PCDH15: variants seen among roughly 807,000 people sequenced by gnomAD.
The protein encoded by PCDH15 is protocadherin related 15, also known as protocadherin-15.
In PCDH15, 129 loss-of-function variants were observed where a neutral mutation model predicts 178.5. That is an observed-to-expected ratio of 0.72 (90% CI 0.63 to 0.84). The LOEUF is 0.84. Among genes scored for constraint, PCDH15 ranks in the 40% least tolerant of loss-of-function variants. The pLI is 0.00. For missense variants in PCDH15, 2,230 were observed against 2,099.9 expected, an observed-to-expected ratio of 1.06 and a Z score of -1.21; for synonymous variants, 800 against 732.0, an observed-to-expected ratio of 1.09 and a Z score of -1.50.
intron 34 of PCDH15, among the ~76,000 whole-genome samples, chr10:53,817,460 A>C (rs893919473): frequency 6.6e-6 from 1 of 151,938 alleles, no homozygotes. Flanking sequence ...GAACTGGTAA[A>C]AAGATCAAAA....
intron 2 of PCDH15, among the ~76,000 whole-genome samples, chr10:54,531,391 C>T (rs2083909835): frequency 6.6e-6 from 1 of 152,090 alleles, no homozygotes; most frequent in Non-Finnish European, 1.5e-5. Context: ...TAAAAATATT[C>T]ATATGCAATA....
At chr10:55,066,943 T>C (rs1300337846) in intron 2 of PCDH15, among the ~76,000 whole-genome samples, 1 of 151,844 alleles carries the variant, frequency 6.6e-6, no homozygotes, top group Non-Finnish European at 1.5e-5. Flanking sequence ...AAATGATAAA[T>C]ATTCAAGCTG....
chr10:55,393,331 A>G (rs1457348767), intron 2 of PCDH15, among the ~76,000 whole-genome samples: 1 of 152,170 alleles, frequency 6.6e-6, no homozygotes, highest in Admixed American at 6.5e-5. Context: ...TAGTCTAGAC[A>G]CCACACTGTA....
At chr10:54,907,584 C>G (rs535671369) in intron 2 of PCDH15, among the ~76,000 whole-genome samples, 79 of 152,174 alleles carry the variant, frequency 5.2e-4, no homozygotes, top group African/African-American at 1.9e-3. Context: ...CTGGTTGTTG[C>G]TATTGTCATT....
intron 2 of PCDH15, chr10:54,607,808 A>G (rs2092807780): frequency 1.9e-6 from 1 of 514,206 alleles, no homozygotes; most frequent in South Asian, 1.4e-5. Context: ...AGATATATGA[A>G]GAATGATGGT....
At chr10:55,293,818 G>C (rs1250797998) in intron 1 of PCDH15, among the ~76,000 whole-genome samples, 1 of 152,112 alleles carries the variant, frequency 6.6e-6, no homozygotes, top group Non-Finnish European at 1.5e-5. Flanking sequence ...TAGTCTCTAG[G>C]AAGTTCCAAA....
chr10:53,825,442 T>C (rs1055997353), intron 32 of PCDH15, among the ~76,000 whole-genome samples: 3 of 151,814 alleles, frequency 2.0e-5, no homozygotes, highest in Non-Finnish European at 2.9e-5. Flanking sequence ...ATGATGCCAA[T>C]CCTAAAATAA....
At chr10:54,763,212 C>T (rs145803563) in intron 1 of PCDH15, among the ~76,000 whole-genome samples, 104 of 152,174 alleles carry the variant, frequency 6.8e-4, no homozygotes, top group African/African-American at 2.2e-3. Flanking sequence ...GAAAAAGAAA[C>T]GCAGGGCTTT....
chr10:54,997,454 TAA>T (rs1839677035), intron 2 of PCDH15, among the ~76,000 whole-genome samples: 1 of 152,180 alleles, frequency 6.6e-6, no homozygotes, highest in Non-Finnish European at 1.5e-5. Context: ...AAAATTAAAA[TAA>T]AAGTTTCTTA....
At chr10:54,027,855 C>T in intron 18 of PCDH15, among the ~76,000 whole-genome samples, 1 of 144,772 alleles carries the variant, frequency 6.9e-6, no homozygotes, top group South Asian at 2.2e-4. Flanking sequence ...AAAACCTAGG[C>T]ATTACCATTC....
chr10:54,660,983 T>C (rs1166981467), intron 2 of PCDH15, among the ~76,000 whole-genome samples: 1 of 151,986 alleles, frequency 6.6e-6, no homozygotes, highest in Non-Finnish European at 1.5e-5. Flanking sequence ...GAGCCGTCTA[T>C]GACAAACCCA....
intron 1 of PCDH15, among the ~76,000 whole-genome samples, chr10:55,261,792 C>G (rs1842150032): frequency 6.6e-6 from 1 of 152,086 alleles, no homozygotes; most frequent in Non-Finnish European, 1.5e-5. Context: ...AAATTCTAGA[C>G]TTATATCCAG....
intron 8 of PCDH15, among the ~76,000 whole-genome samples, chr10:54,290,378 A>T (rs1159657348): frequency 6.6e-6 from 1 of 152,204 alleles, no homozygotes; most frequent in Non-Finnish European, 1.5e-5. Context: ...CCTGCCTTAC[A>T]AGAGCTTCTG....
intron 2 of PCDH15, among the ~76,000 whole-genome samples, chr10:54,537,763 A>G (rs1349774108): frequency 6.6e-6 from 1 of 151,944 alleles, no homozygotes. Context: ...TTCTCTGTGC[A>G]GCATTACCAG....
chr10:54,602,734 T>C (rs1402527695), intron 2 of PCDH15, among the ~76,000 whole-genome samples: 1 of 152,046 alleles, frequency 6.6e-6, no homozygotes, highest in Admixed American at 6.6e-5. Flanking sequence ...CATATGGTTT[T>C]TGTGTTTCAT....
intron 3 of PCDH15, among the ~76,000 whole-genome samples, chr10:54,847,370 A>C (rs1398722370): frequency 6.6e-6 from 1 of 152,112 alleles, no homozygotes; most frequent in Admixed American, 6.5e-5. Flanking sequence ...ATATGTACTT[A>C]ATTGTCTTAT....
At position 54,634,441 on chromosome 10, in the gene PCDH15, C is replaced by T. The variant is rs150761116; in HGVS notation, c.91+29731G>A. Among the ~76,000 whole-genome samples, 4 of 151,956 alleles carry T rather than the reference C, an allele frequency of 2.6e-5. No individual in the cohort carries two copies. In the South Asian group the frequency reaches 8.3e-4, roughly 32 times the overall value. On this transcript the variant is annotated intron_variant, in intron 2 of 37. Coordinates refer to ENST00000644397, the MANE Select transcript of PCDH15 (RefSeq NM_001384140.1). The stretch of plus-strand genomic sequence containing the variant: ...TAGAAAAACTGAATAATATTTTATT[C>T]ATTTTAATTATTGGAGGTCATATAA...
intron 8 of PCDH15, among the ~76,000 whole-genome samples, chr10:54,285,949 C>A (rs1354588121): frequency 6.6e-6 from 1 of 152,102 alleles, no homozygotes; most frequent in Non-Finnish European, 1.5e-5. Context: ...AAGCCAGGCA[C>A]AGAAAGACAA....
chr10:55,245,728 G>A (rs1477641457), intron 1 of PCDH15, among the ~76,000 whole-genome samples: 1 of 152,120 alleles, frequency 6.6e-6, no homozygotes, highest in Admixed American at 6.5e-5. Flanking sequence ...TGGCACTCTA[G>A]TCAATATGAT....
Sources: allele counts gnomAD v4.1 joint callset (sites outside exome capture counted in the v4.1 genomes callset), GRCh38; gene constraint gnomAD v4.1.1; transcripts MANE v1.5; gene names NCBI Gene and HGNC (gene_info 2026-07-23, HGNC 2026-07-21).